Variants in MTHFD2L observed in about 807,000 individuals in gnomAD.
MTHFD2L encodes methylenetetrahydrofolate dehydrogenase (NADP+ dependent) 2 like, also known as bifunctional methylenetetrahydrofolate dehydrogenase/cyclohydrolase 2, mitochondrial.
In MTHFD2L, 29 loss-of-function variants were observed where a neutral mutation model predicts 34.9. The ratio of observed to expected loss-of-function variants is 0.83; its 90% confidence interval spans 0.62 to 1.13. MTHFD2L has a LOEUF of 1.13. MTHFD2L is among the 50% of genes most tolerant of loss of function. The probability of loss-of-function intolerance (pLI) is 0.00; values close to 1 mark genes in which losing one functional copy is unlikely to be tolerated. For synonymous variants in MTHFD2L, 167 were observed against 155.7 expected, an observed-to-expected ratio of 1.07 and a Z score of -0.54; for missense variants, 481 against 446.5, an observed-to-expected ratio of 1.08 and a Z score of -0.70.
intron 1 of MTHFD2L, among the ~76,000 whole-genome samples, chr4:74,133,261 A>G (rs1035325050): frequency 2.6e-5 from 4 of 152,064 alleles, no homozygotes; most frequent in Non-Finnish European, 5.9e-5. Flanking sequence ...TTGATATTTG[A>G]AAGTTCAATT....
intron 3 of MTHFD2L, among the ~76,000 whole-genome samples, chr4:74,192,392 GT>G (rs1040191667): frequency 2.6e-5 from 4 of 152,158 alleles, no homozygotes; most frequent in African/African-American, 9.6e-5. Context: ...CTATCCATTT[GT>G]TCCTTCACCC....
chr4:74,182,753 T>G (rs968482577), intron 3 of MTHFD2L: 1 of 152,120 alleles, frequency 6.6e-6, no homozygotes, highest in Non-Finnish European at 1.5e-5. Context: ...TACTGGACAA[T>G]AGATTGTAAA....
intron 7 of MTHFD2L, among the ~76,000 whole-genome samples, chr4:74,284,530 T>G (rs1007061279): frequency 5.3e-5 from 8 of 151,858 alleles, no homozygotes; most frequent in African/African-American, 1.9e-4. Flanking sequence ...TGGGGTTGTT[T>G]GTTTTTTTTT....
At chr4:74,133,030 T>C (rs1049366870) in intron 1 of MTHFD2L, among the ~76,000 whole-genome samples, 1 of 152,206 alleles carries the variant, frequency 6.6e-6, no homozygotes, top group Non-Finnish European at 1.5e-5. Flanking sequence ...TTAGCATTTT[T>C]TAATTTCAGG....
At chr4:74,298,188 G>C (rs548040969) in intron 7 of MTHFD2L, among the ~76,000 whole-genome samples, 8 of 152,128 alleles carry the variant, frequency 5.3e-5, no homozygotes, top group African/African-American at 1.2e-4. Flanking sequence ...ATTTAAGCAA[G>C]TATTTTAATA....
At chr4:74,164,115 A>G (rs1726111816) in intron 1 of MTHFD2L, among the ~76,000 whole-genome samples, 1 of 152,142 alleles carries the variant, frequency 6.6e-6, no homozygotes. Context: ...TGACTTCGTG[A>G]TCCGCCCGCC....
At chr4:74,225,787 A>G (rs1356912255) in intron 6 of MTHFD2L, among the ~76,000 whole-genome samples, 2 of 152,268 alleles carry the variant, frequency 1.3e-5, no homozygotes, top group South Asian at 2.1e-4. Context: ...GTGAGGGGAA[A>G]AGATAGTCAC....
intron 1 of MTHFD2L, among the ~76,000 whole-genome samples, chr4:74,148,037 T>C (rs762292368): frequency 1.2e-4 from 19 of 152,208 alleles, no homozygotes; most frequent in Non-Finnish European, 2.4e-4. Flanking sequence ...CATTTTAAGT[T>C]GATTTTGGTA....
intron 5 of MTHFD2L, among the ~76,000 whole-genome samples, chr4:74,201,711 T>C (rs969007877): frequency 5.3e-5 from 8 of 152,028 alleles, no homozygotes; most frequent in Admixed American, 1.3e-4. Flanking sequence ...AGAATTCCTG[T>C]AGTGGCAAGG....
At chr4:74,128,108 G>A (rs1385335872) in intron 1 of MTHFD2L, among the ~76,000 whole-genome samples, 1 of 151,838 alleles carries the variant, frequency 6.6e-6, no homozygotes, top group Non-Finnish European at 1.5e-5. Flanking sequence ...TTTGTTTTGC[G>A]CTATTGAATT....
At chr4:74,290,761 T>G (rs1225484744) in intron 7 of MTHFD2L, among the ~76,000 whole-genome samples, 1 of 151,884 alleles carries the variant, frequency 6.6e-6, no homozygotes, top group African/African-American at 2.4e-5. Context: ...ATCCTCCTCA[T>G]TACTTTTCTG....
intron 3 of MTHFD2L, among the ~76,000 whole-genome samples, chr4:74,198,910 C>T (rs1455273836): frequency 1.3e-5 from 2 of 151,986 alleles, no homozygotes; most frequent in South Asian, 2.1e-4. Flanking sequence ...TTTTAGAATA[C>T]AAAAGATATA....
intron 1 of MTHFD2L, among the ~76,000 whole-genome samples, chr4:74,164,090 T>A (rs938527550): frequency 6.6e-6 from 1 of 152,160 alleles, no homozygotes; most frequent in Non-Finnish European, 1.5e-5. Context: ...TTAGCCAGGA[T>A]GCGTCTTGAT....
Position 74,175,410 on chromosome 4 carries a change from A to G in MTHFD2L, c.451+7A>G. 6.2e-7 allele frequency: 1 copy of G among 1,602,202 alleles called. No homozygotes were observed. The highest frequency in any genetic ancestry group is 8.5e-7 in the Non-Finnish European group (1 of 1,175,858). ...GTTCAGTTACCACTACCAGGTACAT[A>G]ATGCTCCTCTTATTTATCTGATTTT... On this transcript the variant is annotated splice_region_variant and intron_variant, in intron 3 of 7. Coordinates refer to ENST00000325278, the MANE Select transcript of MTHFD2L (RefSeq NM_001144978.3).
chr4:74,119,052 T>C (rs1458383267), upstream of MTHFD2L, among the ~76,000 whole-genome samples: 2 of 152,202 alleles, frequency 1.3e-5, no homozygotes, highest in Admixed American at 6.5e-5. Flanking sequence ...AATAAATCAG[T>C]TGCCTGCAGA....
intron 6 of MTHFD2L, among the ~76,000 whole-genome samples, chr4:74,265,241 G>T (rs1009066647): frequency 6.6e-6 from 1 of 152,094 alleles, no homozygotes; most frequent in Admixed American, 6.6e-5. Flanking sequence ...AATTCAACTG[G>T]CTTATTTATG....
chr4:74,163,515 A>G (rs1560429748), intron 1 of MTHFD2L, among the ~76,000 whole-genome samples: 2 of 152,268 alleles, frequency 1.3e-5, no homozygotes, highest in Non-Finnish European at 2.9e-5. Context: ...AGAGTCATAT[A>G]TAATGAAAAG....
rs550702299 is a variant in MTHFD2L at position 74,241,481 on chromosome 4, C to T, written c.805+16087C>T. 2.8e-5 allele frequency: 8 copies of T among 284,190 alleles called. No individual in the cohort carries two copies. The East Asian group carries it at 9.2e-4, about 33-fold the overall frequency. The allele number at this position is 284,190 out of a possible 1,614,324, so 17.6% of individuals were successfully genotyped here. A position where few individuals can be genotyped will look rare whatever the true frequency, so the allele number is the denominator to read the frequency against. On this transcript the variant is annotated intron_variant, in intron 6 of 7. Coordinates refer to ENST00000325278, the MANE Select transcript of MTHFD2L (RefSeq NM_001144978.3). ...CAATCATGGCTCACTGTAGCCTTGA[C>T]CTCCTGGGCCCAAGTGATCCTCCCA...
At chr4:74,280,336 G>A (rs1747276435) in intron 6 of MTHFD2L, 2 of 152,140 alleles carry the variant, frequency 1.3e-5, no homozygotes, top group South Asian at 2.1e-4. Flanking sequence ...TTGGAAGCCA[G>A]CTGCCAAGCT....
Sources: allele counts gnomAD v4.1 joint callset (sites outside exome capture counted in the v4.1 genomes callset), GRCh38; gene constraint gnomAD v4.1.1; transcripts MANE v1.5; gene names NCBI Gene and HGNC (gene_info 2026-07-23, HGNC 2026-07-21).